ATG4C: variants seen among roughly 807,000 people sequenced by gnomAD.
ATG4C encodes the protein autophagy related 4C cysteine peptidase, also known as cysteine protease ATG4C.
In ATG4C, 56 loss-of-function variants were observed where a neutral mutation model predicts 57.6. The ratio of observed to expected loss-of-function variants is 0.97; its 90% confidence interval spans 0.78 to 1.21. The LOEUF (loss-of-function observed/expected upper bound fraction) is 1.21. Ranked by LOEUF, ATG4C falls within the 50% of genes most tolerant of loss-of-function variation. The pLI, the probability that ATG4C is intolerant of heterozygous loss-of-function variation, is 0.00. For missense variants in ATG4C, 595 were observed against 529.8 expected, an observed-to-expected ratio of 1.12 and a Z score of -1.21; for synonymous variants, 157 against 174.1, an observed-to-expected ratio of 0.90 and a Z score of 0.78.
At chr1:62,852,199 T>C (rs1306759078) in intron 10 of ATG4C, among the ~76,000 whole-genome samples, 5 of 152,206 alleles carry the variant, frequency 3.3e-5, no homozygotes, top group African/African-American at 4.8e-5. Context: ...GGTATACTCA[T>C]ACACACACCA....
In ATG4C at chr1:62,834,869, G is replaced by C; in HGVS notation, c.1089+17G>C. The C allele has an allele frequency of 6.3e-7, 1 of 1,597,868 alleles. No individual in the cohort carries two copies. Among genetic ancestry groups the C allele is most frequent in the Non-Finnish European group, 8.6e-7 (1 of 1,166,600 alleles). On this transcript the variant is annotated intron_variant, in intron 9 of 10. Transcript: ENST00000317868. ...CCTCTTGAGGTACTGTGGATAAAAA[G>C]CTGATACTGTTTTCTTACCATATGA...
At chr1:62,827,114 C>G (rs946816354) in intron 6 of ATG4C, among the ~76,000 whole-genome samples, 2 of 152,072 alleles carry the variant, frequency 1.3e-5, no homozygotes, top group Non-Finnish European at 2.9e-5. Context: ...TTAGGACATC[C>G]CTAAAAAATT....
intron 4 of ATG4C, 106 bp downstream of exon 4, chr1:62,816,914 ATTTC>A: frequency 1.1e-6 from 1 of 895,950 alleles, no homozygotes; most frequent in Non-Finnish European, 1.6e-6. Context: ...CCTGAGGTTA[ATTTC>A]TTGACTGTGA....
chr1:62,790,509 T>C (rs968388143), intron 1 of ATG4C, among the ~76,000 whole-genome samples: 6 of 152,230 alleles, frequency 3.9e-5, no homozygotes, highest in African/African-American at 1.4e-4. Context: ...AAGGTATATA[T>C]AGTCAAAATA....
chr1:62,823,500 G>T (rs1665552369), intron 6 of ATG4C, among the ~76,000 whole-genome samples: 1 of 152,056 alleles, frequency 6.6e-6, no homozygotes, highest in South Asian at 2.1e-4. Context: ...CTCTTGTTTG[G>T]ACTTTAGCTT....
Position 62,864,147 on chromosome 1 carries a change from T to C in ATG4C, c.1365T>C (p.Phe455=). ...TAAAAAGATTTAGCACGGAAGAGTTTGTCTTGCTTTAAAGATTAGCACATT... is the reference window on the plus strand; with the variant it reads ...TAAAAAGATTTAGCACGGAAGAGTTCGTCTTGCTTTAAAGATTAGCACATT... ...KQLKRFSTEE[F]VLL is the part of the protein sequence containing the mutation. Residue 455 remains phenylalanine, a synonymous_variant, in exon 11 of 11, where the codon TTT becomes TTC. Transcript: ENST00000317868. 6.3e-7 allele frequency: 1 copy of C among 1,599,388 alleles called. No individual in the cohort carries two copies. The highest frequency in any genetic ancestry group is 8.5e-7 in the Non-Finnish European group (1 of 1,175,784).
chr1:62,857,838 G>A (rs1666732694), intron 10 of ATG4C, among the ~76,000 whole-genome samples: 1 of 152,134 alleles, frequency 6.6e-6, no homozygotes, highest in Non-Finnish European at 1.5e-5. Flanking sequence ...TTTGTTTGCA[G>A]TGACAGTACC....
chr1:62,845,384 T>G (rs1445151303), intron 10 of ATG4C, among the ~76,000 whole-genome samples: 1 of 152,176 alleles, frequency 6.6e-6, no homozygotes, highest in African/African-American at 2.4e-5. Flanking sequence ...GCCCATTTGT[T>G]TCCTCTTTTG....
chr1:62,860,714 G>A (rs538709956), intron 10 of ATG4C, among the ~76,000 whole-genome samples: 1 of 152,334 alleles, frequency 6.6e-6, no homozygotes, highest in East Asian at 1.9e-4. Context: ...GACAGTGCTT[G>A]ATTTTGCAGT....
At chr1:62,853,213 T>C (rs1666572411) in intron 10 of ATG4C, among the ~76,000 whole-genome samples, 1 of 152,218 alleles carries the variant, frequency 6.6e-6, no homozygotes, top group South Asian at 2.1e-4. Flanking sequence ...TCTGCATTAT[T>C]TTACGCCAAA....
chr1:62,791,410 C>T (rs1006083916), intron 1 of ATG4C, among the ~76,000 whole-genome samples: 2 of 152,162 alleles, frequency 1.3e-5, no homozygotes, highest in East Asian at 1.9e-4. Context: ...TATCCATTGT[C>T]GTAGTCTGTC....
At chr1:62,797,572 G>A (rs1012697479) in intron 1 of ATG4C, among the ~76,000 whole-genome samples, 4 of 151,776 alleles carry the variant, frequency 2.6e-5, no homozygotes, top group African/African-American at 9.7e-5. Flanking sequence ...TATGTTTATG[G>A]CCTTTTTCTT....
chr1:62,841,328 T>C (rs1198661399), intron 9 of ATG4C, 100 bp from the exon 10 acceptor site: 3 of 1,035,190 alleles, frequency 2.9e-6, no homozygotes, highest in African/African-American at 3.3e-5. Flanking sequence ...ATCATGTTTA[T>C]AGTGATGGGA....
At chr1:62,839,633 CA>C (rs1037028958) in intron 9 of ATG4C, among the ~76,000 whole-genome samples, 21 of 152,154 alleles carry the variant, frequency 1.4e-4, no homozygotes, top group Admixed American at 1.2e-3. Context: ...GTTAACTAAC[CA>C]GTTTGTTTAG....
rs532401294 is a variant in ATG4C, at chr1:62,813,898, C to A, written c.161-2677C>A. ...TGCAATCAAAACCACAATGAGATAC[C>A]ATCTCACGCCAGTTAGAATGGTGAT... On this transcript the variant is annotated intron_variant, in intron 3 of 10. Transcript: ENST00000317868. Among the ~76,000 whole-genome samples, 303 of 152,248 alleles carry A rather than the reference C, an allele frequency of 2.0e-3. 1 individual carries two copies. The highest frequency in any genetic ancestry group is 7.0e-3 in the African/African-American group (289 of 41,544).
intron 8 of ATG4C, 53 bp downstream of exon 8, chr1:62,834,169 A>T: frequency 6.6e-7 from 1 of 1,525,912 alleles, no homozygotes; most frequent in Non-Finnish European, 9.0e-7. Flanking sequence ...AAAAGTCAGA[A>T]AGTTAATATG....
chr1:62,844,746 T>C (rs888523066), intron 10 of ATG4C, among the ~76,000 whole-genome samples: 4 of 152,234 alleles, frequency 2.6e-5, no homozygotes, highest in Admixed American at 6.5e-5. Flanking sequence ...CCTGAATTAG[T>C]GTATCATACC....
intron 7 of ATG4C, among the ~76,000 whole-genome samples, chr1:62,832,596 T>C (rs966316273): frequency 4.6e-5 from 7 of 152,182 alleles, no homozygotes; most frequent in African/African-American, 1.7e-4. Flanking sequence ...AGCTCTAAGA[T>C]TTTAACCTGA....
In ATG4C at chr1:62,805,191, G is replaced by C. The variant is rs760129724; in HGVS notation, c.96G>C (p.Lys32Asn). 6.6e-7 allele frequency: 1 copy of C among 1,512,116 alleles called. No individual in the cohort carries two copies. Among genetic ancestry groups the C allele is most frequent in the South Asian group, 1.4e-5 (1 of 73,496 alleles). 93.7% of individuals were successfully genotyped at this position (1,512,116 alleles called of 1,614,324 possible). Residue 32 changes from lysine to asparagine, a missense_variant, in exon 3 of 11, where the codon AAG becomes AAC. By Grantham distance (94) the Lys-to-Asn change is moderately conservative. Coordinates refer to ENST00000317868, the MANE Select transcript of ATG4C (RefSeq NM_032852.4). ...NMKYSWVLKT[K>N]TYFSRNSPVL... The stretch of plus-strand genomic sequence containing the variant: ...TGCTAGGTTGGGTGTTGAAAACAAA[G>C]ACGTATTTTAGTAGAAATTCTCCTG...
Sources: allele counts gnomAD v4.1 joint callset (sites outside exome capture counted in the v4.1 genomes callset), GRCh38; gene constraint gnomAD v4.1.1; transcripts MANE v1.5; gene names NCBI Gene and HGNC (gene_info 2026-07-23, HGNC 2026-07-21).